Variants in FANCC observed in about 807,000 individuals in gnomAD.
The protein encoded by FANCC is Fanconi anemia group C protein.
In FANCC, 55 loss-of-function variants were observed where a neutral mutation model predicts 71.3. That is an observed-to-expected ratio of 0.77 (90% CI 0.62 to 0.97). The LOEUF is 0.97. Among genes scored for constraint, FANCC ranks in the 50% least tolerant of loss-of-function variants. FANCC has a pLI of 0.00. For synonymous variants in FANCC, 275 were observed against 244.9 expected (o/e 1.12, Z -1.15); for missense variants, 678 against 670.9 (o/e 1.01, Z -0.12).
At position 95,125,163 on chromosome 9, in the gene FANCC, C is replaced by CA; in HGVS notation, c.918dup (p.Gly307TrpfsTer67). On this transcript the variant is annotated frameshift_variant, in exon 10 of 15. Coordinates refer to ENST00000289081, the MANE Select transcript of FANCC (RefSeq NM_000136.3). LOFTEE classifies it high-confidence loss of function. ...ATAGTGGCTATGATTTCCAGGGCCC[C>CA]ATCGGTTTCCAGGAGTGCACACCTG... is the stretch of plus-strand genomic sequence containing the variant. 5 of 1,614,178 alleles carry CA rather than the reference C, an allele frequency of 3.1e-6. No individual in the cohort carries two copies. Among genetic ancestry groups the CA allele is most frequent in the Non-Finnish European group, 4.2e-6 (5 of 1,180,022 alleles).
chr9:95,125,109 C>G lies in FANCC; in HGVS notation c.973G>C (p.Ala325Pro), dbSNP rs201407189. ...ACCTGCTTGCTTGCTTTCTCCAGAGCTTCTACAAAGCACTGCGTAAACACC... is the reference window on the plus strand; with the variant it reads ...ACCTGCTTGCTTGCTTTCTCCAGAGGTTCTACAAAGCACTGCGTAAACACC... ...IQVFTQCFVE[A>P]LEKASKQLRF... The change falls in exon 10 of 15, where the codon GCT (alanine) becomes CCT (proline). Residue 325 changes from alanine to proline, a missense_variant. By Grantham distance (27) the Ala-to-Pro change is conservative. Transcript: ENST00000289081. The G allele has an allele frequency of 6.2e-7, 1 of 1,614,180 alleles. No homozygotes were observed. The highest frequency in any genetic ancestry group is 8.5e-7 in the Non-Finnish European group (1 of 1,180,010).
intron 4 of FANCC, among the ~76,000 whole-genome samples, chr9:95,201,712 G>A (rs1827817349): frequency 1.3e-5 from 2 of 152,204 alleles, no homozygotes; most frequent in African/African-American, 4.8e-5. Context: ...AATCCACACT[G>A]AAATCTGTTG....
At chr9:95,204,517 G>C (rs1396400031) in intron 4 of FANCC, among the ~76,000 whole-genome samples, 1 of 152,118 alleles carries the variant, frequency 6.6e-6, no homozygotes, top group Admixed American at 6.6e-5. Flanking sequence ...TGTGTAGGCG[G>C]GTTGGCCTTG....
chr9:95,270,538 G>A (rs1008947635), intron 1 of FANCC, among the ~76,000 whole-genome samples: 2 of 152,220 alleles, frequency 1.3e-5, no homozygotes, highest in Admixed American at 6.5e-5. Flanking sequence ...TGCATAAACT[G>A]CTGTGCTAAA....
At chr9:95,123,865 G>T (rs374630094) in intron 10 of FANCC, 2 of 582,592 alleles carry the variant, frequency 3.4e-6, no homozygotes, top group Admixed American at 4.0e-5. Context: ...CAAAGCCCAC[G>T]TAAGGAGTTG....
intron 10 of FANCC, chr9:95,123,589 C>A (rs1276838265): frequency 1.7e-6 from 1 of 585,438 alleles, no homozygotes; most frequent in Non-Finnish European, 3.3e-6. Context: ...CTATTTGCGA[C>A]ACGAACTGTG....
chr9:95,134,080 G>A (rs1205656744), intron 8 of FANCC, among the ~76,000 whole-genome samples: 5 of 152,170 alleles, frequency 3.3e-5, no homozygotes, highest in Admixed American at 6.5e-5. Flanking sequence ...GGTGGGATCC[G>A]TGTGTGCAGC....
intron 4 of FANCC, among the ~76,000 whole-genome samples, chr9:95,183,095 C>A (rs543726868): frequency 6.6e-6 from 1 of 152,282 alleles, no homozygotes; most frequent in African/African-American, 2.4e-5. Context: ...CCCCTTCCCA[C>A]CTCCAGACCT....
chr9:95,134,965 T>C (rs572667222), intron 8 of FANCC, among the ~76,000 whole-genome samples: 1 of 152,274 alleles, frequency 6.6e-6, no homozygotes, highest in Non-Finnish European at 1.5e-5. Flanking sequence ...TTTCCTCTAG[T>C]GAAGAGCTAC....
At chr9:95,147,028 T>C (rs1033895067) in intron 7 of FANCC, among the ~76,000 whole-genome samples, 2 of 150,472 alleles carry the variant, frequency 1.3e-5, no homozygotes, top group African/African-American at 2.4e-5. Flanking sequence ...TATATATTTG[T>C]ATGTATATAT....
At chr9:95,269,778 G>A (rs190939301) in intron 1 of FANCC, among the ~76,000 whole-genome samples, 5 of 152,144 alleles carry the variant, frequency 3.3e-5, no homozygotes, top group African/African-American at 1.2e-4. Flanking sequence ...TATTGTAGGG[G>A]TGGGTTGCCC....
chr9:95,149,567 C>T (rs1163783019), intron 7 of FANCC, among the ~76,000 whole-genome samples: 1 of 152,046 alleles, frequency 6.6e-6, no homozygotes, highest in Non-Finnish European at 1.5e-5. Context: ...CAATCTCCGC[C>T]TCCCAGGTGG....
chr9:95,177,515 C>T lies in FANCC; in HGVS notation c.346-5368G>A, dbSNP rs530857632. 8.1e-4 allele frequency among the ~76,000 whole-genome samples: 124 copies of T among 152,234 alleles called. 1 individual carries two copies. The highest frequency in any genetic ancestry group is 2.5e-3 in the African/African-American group (103 of 41,528). On this transcript the variant is annotated intron_variant, in intron 4 of 14. Transcript: ENST00000289081. ...CAGCAATAAACTATTCTTAGCTTAC[C>T]GCAACTTTCAAATTTGATAAACCTT...
At chr9:95,113,741 G>C (rs1341237591) in intron 12 of FANCC, 1 of 151,736 alleles carries the variant, frequency 6.6e-6, no homozygotes, top group East Asian at 1.9e-4. Flanking sequence ...TCCTGCCTCA[G>C]CCTCCCGAGT....
At chr9:95,108,668 CAT>C (rs1338349046) in intron 13 of FANCC, among the ~76,000 whole-genome samples, 1 of 152,092 alleles carries the variant, frequency 6.6e-6, no homozygotes, top group African/African-American at 2.4e-5. Flanking sequence ...ATTATAAAGA[CAT>C]ATATGCTTAC....
In FANCC at chr9:95,249,356, G is replaced by A. The variant is rs371725430; in HGVS notation, c.-65C>T. The A allele has an allele frequency of 4.5e-5, 67 of 1,492,020 alleles. No individual in the cohort carries two copies. Among genetic ancestry groups the A allele is most frequent in the African/African-American group, 5.5e-5 (4 of 72,488 alleles). 92.4% of individuals were successfully genotyped at this position (1,492,020 alleles called of 1,614,324 possible). On this transcript the variant is annotated 5_prime_UTR_variant, in exon 2 of 15. Transcript: ENST00000289081. ...CTGTCCAGCACTGAAGGAAATGGTC[G>A]GCACACATTAAATCTGTAAGAAAGG... is the stretch of plus-strand genomic sequence containing the variant.
chr9:95,159,969 C>T (rs1440707353), intron 6 of FANCC, among the ~76,000 whole-genome samples: 2 of 152,146 alleles, frequency 1.3e-5, no homozygotes, highest in African/African-American at 2.4e-5. Flanking sequence ...TTCTCCCATT[C>T]TGTAGGTTGC....
At chr9:95,170,938 G>C in intron 6 of FANCC, 141 bp downstream of exon 6, 2 of 703,826 alleles carry the variant, frequency 2.8e-6, no homozygotes, top group Non-Finnish European at 2.5e-6. Context: ...AATTTGCTAT[G>C]TATTCCACTA....
At position 95,125,108 on chromosome 9, in the gene FANCC, G is replaced by A. The variant is rs367618818; in HGVS notation, c.974C>T (p.Ala325Val). The A allele has an allele frequency of 1.4e-5, 22 of 1,614,034 alleles. No individual in the cohort carries two copies. The African/African-American group carries it at 2.4e-4, about 18-fold the overall frequency. Residue 325 changes from alanine (A) to valine (V), a missense_variant, in exon 10 of 15, where the codon GCT (alanine) becomes GTT (valine). Physicochemically the swap from Ala to Val is moderately conservative, Grantham distance 64. Coordinates refer to ENST00000289081, the MANE Select transcript of FANCC (RefSeq NM_000136.3). ...IQVFTQCFVEALEKASKQLRF... is the reference protein window; with the variant it reads ...IQVFTQCFVEVLEKASKQLRF... ...AACCTGCTTGCTTGCTTTCTCCAGA[G>A]CTTCTACAAAGCACTGCGTAAACAC...
Sources: allele counts gnomAD v4.1 joint callset (sites outside exome capture counted in the v4.1 genomes callset), GRCh38; gene constraint gnomAD v4.1.1; transcripts MANE v1.5; gene names NCBI Gene and HGNC (gene_info 2026-07-23, HGNC 2026-07-21).